The following SP4 variants were observed in gnomAD, a reference collection of about 807,000 sequenced individuals.
The protein encoded by SP4 is Sp4 transcription factor, also known as transcription factor Sp4.
A neutral mutation model predicts 72.8 loss-of-function variants in SP4; 19 were observed. The observed-to-expected ratio is 0.26, with a 90% CI of 0.18 to 0.38. The LOEUF is 0.38. Ranked by LOEUF, SP4 falls within the 10% of genes least tolerant of loss-of-function variation. SP4 has a pLI of 1.00. For synonymous variants in SP4, 395 were observed against 333.1 expected (o/e 1.19, Z -2.02); for missense variants, 1,008 against 926.3 (o/e 1.09, Z -1.14).
chr7:21,441,407 G>A (rs990449002), intron 3 of SP4, among the ~76,000 whole-genome samples: 1 of 152,136 alleles, frequency 6.6e-6, no homozygotes, highest in Non-Finnish European at 1.5e-5. Flanking sequence ...AGTAGCTCAG[G>A]GTTTGCCAAC....
intron 5 of SP4, among the ~76,000 whole-genome samples, chr7:21,496,770 C>T (rs1351493120): frequency 6.6e-6 from 1 of 152,188 alleles, no homozygotes; most frequent in South Asian, 2.1e-4. Context: ...TCAGCCTGTG[C>T]TGAAAGGTTC....
intron 3 of SP4, among the ~76,000 whole-genome samples, chr7:21,449,645 CAA>C (rs1404075174): frequency 1.3e-5 from 2 of 152,134 alleles, no homozygotes; most frequent in African/African-American, 4.8e-5. Flanking sequence ...TGGAAGATGA[CAA>C]ATTCTCATCT....
intron 5 of SP4, among the ~76,000 whole-genome samples, chr7:21,504,461 G>T (rs1781944699): frequency 6.6e-6 from 1 of 152,148 alleles, no homozygotes. Context: ...CTCACATAGG[G>T]AGTGTTTATC....
chr7:21,485,063 A>G (rs1784776962), intron 5 of SP4, among the ~76,000 whole-genome samples: 1 of 151,932 alleles, frequency 6.6e-6, no homozygotes, highest in South Asian at 2.1e-4. Flanking sequence ...AAAAATATTA[A>G]TATCAGTATA....
chr7:21,450,303 T>C (rs1450147867), intron 3 of SP4, among the ~76,000 whole-genome samples: 1 of 152,202 alleles, frequency 6.6e-6, no homozygotes, highest in Non-Finnish European at 1.5e-5. Context: ...CAATAATTTA[T>C]AGTGAAACAA....
intron 3 of SP4, among the ~76,000 whole-genome samples, chr7:21,433,916 C>T (rs1782958221): frequency 6.6e-6 from 1 of 151,688 alleles, no homozygotes. Context: ...GCACTTCAGC[C>T]TGGGCAACAA....
intron 5 of SP4, among the ~76,000 whole-genome samples, chr7:21,499,351 G>C (rs776712753): frequency 6.6e-6 from 1 of 152,060 alleles, no homozygotes; most frequent in Non-Finnish European, 1.5e-5. Flanking sequence ...TTGGAAATAG[G>C]GTCTTTGCAG....
chr7:21,508,596 G>C (rs1456842215), intron 5 of SP4, among the ~76,000 whole-genome samples: 2 of 151,988 alleles, frequency 1.3e-5, no homozygotes, highest in Non-Finnish European at 2.9e-5. Context: ...TAAAGTGCTG[G>C]GATTACAGGT....
At chr7:21,505,014 G>A (rs145165969) in intron 5 of SP4, among the ~76,000 whole-genome samples, 4 of 152,328 alleles carry the variant, frequency 2.6e-5, no homozygotes, top group East Asian at 3.9e-4. Flanking sequence ...GACCAGGACC[G>A]GGGCTGTAAT....
intron 5 of SP4, among the ~76,000 whole-genome samples, chr7:21,502,215 A>G (rs1781888236): frequency 6.6e-6 from 1 of 152,264 alleles, no homozygotes; most frequent in South Asian, 2.1e-4. Context: ...GGACGGTAAC[A>G]ACTTATCATC....
chr7:21,430,950 C>T lies in SP4; in HGVS notation c.1678+107C>T. ...GACGTAGACCTCTGAAGTAAACACA[C>T]AATCATAAGGAACCAGAAATAGCAA... On this transcript the variant is annotated intron_variant, in intron 3 of 5. Transcript: ENST00000222584. The T allele has an allele frequency of 2.6e-6, 2 of 763,142 alleles. 1 individual carries two copies. The highest frequency in any genetic ancestry group is 3.6e-5 in the South Asian group (2 of 55,366). 47.3% of individuals were successfully genotyped at this position (763,142 alleles called of 1,614,324 possible).
intron 3 of SP4, among the ~76,000 whole-genome samples, chr7:21,437,531 A>G (rs1396391389): frequency 6.6e-6 from 1 of 152,016 alleles, no homozygotes; most frequent in Non-Finnish European, 1.5e-5. Flanking sequence ...AGGTTGAAGG[A>G]TGGCTGAATT....
chr7:21,477,222 C>G lies in SP4; in HGVS notation c.1822C>G (p.Gln608Glu). 6.2e-7 allele frequency: 1 copy of G among 1,614,172 alleles called. No homozygotes were observed. The highest frequency in any genetic ancestry group is 8.5e-7 in the Non-Finnish European group (1 of 1,180,010). ...LTQVHLQQGQ[Q>E]TSDQEVQPGK... is the part of the protein sequence containing the mutation. ...ACAAGTGCATTTGCAGCAAGGCCAG[C>G]AGACTTCTGATCAAGAGGTACAACC... is the stretch of plus-strand genomic sequence containing the variant. Residue 608 changes from glutamine (Q) to glutamate (E), a missense_variant, in exon 4 of 6, where the codon CAG (glutamine) becomes GAG (glutamate). This residue lies in a region of SP4 where 893 missense variants were observed against 743.3 expected (regional missense o/e 1.20). Coordinates refer to ENST00000222584, the MANE Select transcript of SP4 (RefSeq NM_003112.5).
At chr7:21,428,889 T>C (rs544020255) in intron 2 of SP4, 97 bp downstream of exon 2, 1 of 958,776 alleles carries the variant, frequency 1.0e-6, no homozygotes, top group South Asian at 1.7e-5. Flanking sequence ...ATAAAATGTT[T>C]ATCCACTCAA....
At chr7:21,473,517 A>G (rs1271857206) in intron 3 of SP4, among the ~76,000 whole-genome samples, 1 of 152,222 alleles carries the variant, frequency 6.6e-6, no homozygotes, top group Non-Finnish European at 1.5e-5. Flanking sequence ...CTTTCATGGC[A>G]CTTTACCTTC....
chr7:21,475,099 TTTTTTTG>T (rs565719146), intron 3 of SP4, among the ~76,000 whole-genome samples: 42 of 151,880 alleles, frequency 2.8e-4, no homozygotes, highest in South Asian at 1.7e-3. Context: ...TCCCCCACCC[TTTTTTTG>T]TTTTTTGTTT....
intron 5 of SP4, among the ~76,000 whole-genome samples, chr7:21,491,671 G>A (rs1037895378): frequency 3.3e-5 from 5 of 152,142 alleles, no homozygotes; most frequent in Non-Finnish European, 7.4e-5. Context: ...TTATATACCG[G>A]GGAACAAAAA....
At chr7:21,488,294 T>A (rs1784876406) in intron 5 of SP4, among the ~76,000 whole-genome samples, 1 of 152,068 alleles carries the variant, frequency 6.6e-6, no homozygotes, top group Non-Finnish European at 1.5e-5. Flanking sequence ...ATATTAACAT[T>A]TTGCCCCAAT....
chr7:21,493,789 A>G (rs1785038779), intron 5 of SP4, among the ~76,000 whole-genome samples: 1 of 152,116 alleles, frequency 6.6e-6, no homozygotes, highest in Non-Finnish European at 1.5e-5. Flanking sequence ...CAAATTCTAC[A>G]ATTTCTTTCA....
Sources: gnomAD v4.1 joint callset for allele counts (sites outside exome capture counted in the v4.1 genomes callset) on GRCh38, gnomAD v4.1.1 for gene constraint, gnomAD v4.1.1 regional missense constraint, MANE v1.5 for transcripts, NCBI Gene and HGNC (gene_info 2026-07-23, HGNC 2026-07-21) for gene names.